ELAVL2: variants seen among roughly 807,000 people sequenced by gnomAD.
The protein encoded by ELAVL2 is ELAV like RNA binding protein 2.
A neutral mutation model predicts 34.6 loss-of-function variants in ELAVL2; 4 were observed. The ratio of observed to expected loss-of-function variants is 0.12; its 90% CI spans 0.06 to 0.26. ELAVL2 has a LOEUF of 0.26. Among genes scored for constraint, ELAVL2 ranks in the 10% least tolerant of loss-of-function variants. The pLI is 1.00. For missense variants in ELAVL2, 432 were observed against 442.8 expected, an observed-to-expected ratio of 0.98 and a Z score of 0.22; for synonymous variants, 193 against 154.8, an observed-to-expected ratio of 1.25 and a Z score of -1.83.
At chr9:23,731,485 T>C in intron 2 of ELAVL2, among the ~76,000 whole-genome samples, 1 of 152,172 alleles carries the variant, frequency 6.6e-6, no homozygotes, top group East Asian at 1.9e-4. Context: ...CAATACCTTT[T>C]CAGCTTCAGT....
At chr9:23,792,676 C>T (rs702217) in intron 1 of ELAVL2, among the ~76,000 whole-genome samples, 26,448 of 152,156 alleles carry the variant, frequency 0.17, 3,987 homozygotes, top group African/African-American at 0.4. Flanking sequence ...ATGTTTTCTC[C>T]CAACTTCTCA....
intron 2 of ELAVL2, among the ~76,000 whole-genome samples, chr9:23,755,126 T>C (rs918696223): frequency 1.3e-5 from 2 of 152,192 alleles, no homozygotes; most frequent in Non-Finnish European, 2.9e-5. Context: ...ATAATACTTT[T>C]CTGTCAACTC....
intron 1 of ELAVL2, chr9:23,765,054 A>T: frequency 1.2e-6 from 2 of 1,609,732 alleles, no homozygotes; most frequent in Non-Finnish European, 1.7e-6. Context: ...TAAGCAGAGA[A>T]GCCACATCAC....
intron 1 of ELAVL2, among the ~76,000 whole-genome samples, chr9:23,794,806 A>C (rs1397644819): frequency 1.3e-5 from 2 of 152,196 alleles, no homozygotes; most frequent in Non-Finnish European, 2.9e-5. Flanking sequence ...GACCAATGGA[A>C]TACAGATAAA....
intron 2 of ELAVL2, among the ~76,000 whole-genome samples, chr9:23,750,412 A>G (rs1361298108): frequency 2.0e-5 from 3 of 152,120 alleles, no homozygotes; most frequent in African/African-American, 7.2e-5. Context: ...TACCCCCATA[A>G]AAAAAGGACA....
chr9:23,754,793 A>G (rs752150532), intron 2 of ELAVL2, among the ~76,000 whole-genome samples: 2 of 152,160 alleles, frequency 1.3e-5, no homozygotes, highest in Non-Finnish European at 2.9e-5. Flanking sequence ...GCTGAGGAAA[A>G]TAAGAAGTCA....
rs117719086 is a variant in ELAVL2, at chr9:23,808,347, C to G, written c.-16+17459G>C. Reference sequence around the variant, plus strand: ...AAGTTTCATATCAGCAGGGAGTATACTGTATTCACTACTATAGTCTTAATA... The same window carrying G: ...AAGTTTCATATCAGCAGGGAGTATAGTGTATTCACTACTATAGTCTTAATA... On this transcript the variant is annotated intron_variant, in intron 1 of 6. Transcript: ENST00000397312. Among the ~76,000 whole-genome samples, 192 of 152,228 alleles carry G rather than the reference C, an allele frequency of 1.3e-3. 3 individuals are homozygous for G. The East Asian group carries it at 0.015, about 12-fold the overall frequency.
intron 2 of ELAVL2, among the ~76,000 whole-genome samples, chr9:23,734,158 T>A (rs889596572): frequency 1.3e-5 from 2 of 152,190 alleles, no homozygotes; most frequent in African/African-American, 4.8e-5. Context: ...ATTAAAATGT[T>A]GGCACTATAA....
chr9:23,771,263 T>C (rs956364870), intron 1 of ELAVL2, among the ~76,000 whole-genome samples: 1 of 152,124 alleles, frequency 6.6e-6, no homozygotes, highest in African/African-American at 2.4e-5. Context: ...CAGTACACTG[T>C]TGAAATCCAT....
intron 2 of ELAVL2, among the ~76,000 whole-genome samples, chr9:23,744,345 A>G (rs1277032310): frequency 6.6e-6 from 1 of 152,236 alleles, no homozygotes; most frequent in Middle Eastern, 3.2e-3. Context: ...ATGTTTTACT[A>G]AATAACTAGT....
At chr9:23,703,864 T>C (rs556248258) in intron 4 of ELAVL2, among the ~76,000 whole-genome samples, 1 of 152,176 alleles carries the variant, frequency 6.6e-6, no homozygotes, top group African/African-American at 2.4e-5. Flanking sequence ...TAATATTTCC[T>C]CCTCACAATG....
At chr9:23,802,280 T>TA (rs1299434246) in intron 1 of ELAVL2, among the ~76,000 whole-genome samples, 1 of 152,132 alleles carries the variant, frequency 6.6e-6, no homozygotes, top group Non-Finnish European at 1.5e-5. Context: ...AAGAGCGCTA[T>TA]AAAAAATACA....
chr9:23,830,257 A>G (rs1222066882), upstream of ELAVL2: 4 of 152,224 alleles, frequency 2.6e-5, no homozygotes, highest in Non-Finnish European at 4.4e-5. Flanking sequence ...GCAAAGGGGT[A>G]AAGCCTTTTA....
In ELAVL2 at chr9:23,703,664, TCA is replaced by T. The variant is rs536203239; in HGVS notation, c.487+1252_487+1253del. Among the ~76,000 whole-genome samples, 894 of 152,298 alleles carry T rather than the reference TCA, an allele frequency of 5.9e-3. 8 individuals carry two copies. Among genetic ancestry groups the T allele is most frequent in the Admixed American group, 0.014 (215 of 15,300 alleles). Reference sequence around the variant, plus strand: ...TCACTTGATGAATGAAAAATCTGGCTCAATTTTCTTCTGAAGTCACTGCTTTA... The same window carrying T: ...TCACTTGATGAATGAAAAATCTGGCTATTTTCTTCTGAAGTCACTGCTTTA... On this transcript the variant is annotated intron_variant, in intron 4 of 6. Transcript: ENST00000397312.
At chr9:23,768,041 A>G (rs2056642827) in intron 1 of ELAVL2, among the ~76,000 whole-genome samples, 1 of 152,132 alleles carries the variant, frequency 6.6e-6, no homozygotes, top group Non-Finnish European at 1.5e-5. Flanking sequence ...CCAGCAAATT[A>G]AAGCCTCCAA....
chr9:23,752,471 G>GT (rs375710254), intron 2 of ELAVL2, among the ~76,000 whole-genome samples: 8,573 of 143,592 alleles, frequency 0.06, 295 homozygotes, highest in Middle Eastern at 0.18. Context: ...ACTTTTTTTT[G>GT]TTTTTTTTTT....
At chr9:23,702,969 A>AAAAAAC (rs2037908559) in intron 4 of ELAVL2, among the ~76,000 whole-genome samples, 2 of 146,000 alleles carry the variant, frequency 1.4e-5, no homozygotes, top group East Asian at 4.0e-4. Flanking sequence ...AAAAAAAAAA[A>AAAAAAC]AAAAAAAAAA....
At position 23,692,545 on chromosome 9, in the gene ELAVL2, G is replaced by C. The variant is rs1174737828; in HGVS notation, c.*12C>G. 6.2e-7 allele frequency: 1 copy of C among 1,606,054 alleles called. No homozygotes were observed. The highest frequency in any genetic ancestry group is 8.5e-7 in the Non-Finnish European group (1 of 1,174,644). On this transcript the variant is annotated 3_prime_UTR_variant, in exon 7 of 7. Transcript: ENST00000397312. ...AGTTTTCATATATAAATGGACTGAG[G>C]ACAAGAGCTCATTAGGCTTTGTGCG... is the stretch of plus-strand genomic sequence containing the variant.
At chr9:23,834,102 T>G in the ELAVL2 span, among the ~76,000 whole-genome samples, 1 of 151,982 alleles carries the variant, frequency 6.6e-6, no homozygotes, top group South Asian at 2.1e-4. Flanking sequence ...AATAAATGCT[T>G]GAAGGAAATC....
Sources: allele counts gnomAD v4.1 joint callset (sites outside exome capture counted in the v4.1 genomes callset), GRCh38; gene constraint gnomAD v4.1.1; transcripts MANE v1.5; gene names NCBI Gene and HGNC (gene_info 2026-07-23, HGNC 2026-07-21).